LUC7L: variants seen among roughly 807,000 people sequenced by gnomAD.
LUC7L encodes the protein putative RNA-binding protein Luc7-like 1.
In LUC7L, 29 loss-of-function variants were observed where a neutral mutation model predicts 51.1. That is an observed-to-expected ratio of 0.57 (90% CI 0.42 to 0.77). The LOEUF is 0.77. Ranked by LOEUF, LUC7L falls within the 30% of genes least tolerant of loss-of-function variation. LUC7L has a pLI of 0.00. For synonymous variants in LUC7L, 181 were observed against 180.7 expected (o/e 1.00, Z -0.01); for missense variants, 403 against 511.9 (o/e 0.79, Z 2.05).
At chr16:194,434 T>G (rs963710768) in intron 6 of LUC7L, among the ~76,000 whole-genome samples, 12 of 152,194 alleles carry the variant, frequency 7.9e-5, no homozygotes, top group African/African-American at 2.7e-4. Context: ...GGTAACAAAC[T>G]GTCTATTCTA....
rs573647592 is a variant in LUC7L, at chr16:189,493, C to T, written c.975-154G>A. 12 of 1,420,454 alleles carry T rather than the reference C, an allele frequency of 8.4e-6. No individual in the cohort carries two copies. In the Admixed American group the frequency reaches 3.5e-4, roughly 41 times the overall value. 88.0% of individuals were successfully genotyped at this position (1,420,454 alleles called of 1,614,324 possible). A position where few individuals can be genotyped will look rare whatever the true frequency, so the allele number is the denominator to read the frequency against. On this transcript the variant is annotated intron_variant, in intron 9 of 9. Transcript: ENST00000293872. ...GGAGGCCAACCAGACTTGCCCACCA[C>T]ATATGGAGTGTTAGATAGCCATTAA...
At chr16:204,339 G>A (rs540546217) in intron 5 of LUC7L, among the ~76,000 whole-genome samples, 76 of 151,872 alleles carry the variant, frequency 5.0e-4, no homozygotes, top group Middle Eastern at 3.4e-3. Flanking sequence ...GCTCACTCCT[G>A]TAATCCCAGC....
chr16:200,084 T>C (rs559941837), intron 5 of LUC7L, among the ~76,000 whole-genome samples: 1 of 144,488 alleles, frequency 6.9e-6, no homozygotes, highest in South Asian at 2.2e-4. Flanking sequence ...AGGCCAGGAG[T>C]TCAAGACGAG....
chr16:222,023 C>T (rs112252042), intron 2 of LUC7L, among the ~76,000 whole-genome samples: 1 of 152,154 alleles, frequency 6.6e-6, no homozygotes, highest in African/African-American at 2.4e-5. Flanking sequence ...CCACTCAGTT[C>T]CTCCATTTGA....
intron 8 of LUC7L, 147 bp from the exon 9 acceptor site, chr16:190,282 A>C: frequency 1.3e-6 from 1 of 782,812 alleles, no homozygotes; most frequent in Non-Finnish European, 2.1e-6. Flanking sequence ...CCATCAGTTA[A>C]TCTCCAATGG....
chr16:200,181 G>A (rs2142056587), intron 5 of LUC7L, among the ~76,000 whole-genome samples: 1 of 151,712 alleles, frequency 6.6e-6, no homozygotes, highest in African/African-American at 2.4e-5. Flanking sequence ...CCAGCACTTT[G>A]GGAGGCTGAG....
chr16:209,748 A>C (rs1161133579), intron 3 of LUC7L: 1 of 152,226 alleles, frequency 6.6e-6, no homozygotes, highest in African/African-American at 2.4e-5. Context: ...TAAAACAGAC[A>C]GGAGACAGTA....
At chr16:228,535 T>C (rs1403611853) in intron 1 of LUC7L, 16 of 1,209,700 alleles carry the variant, frequency 1.3e-5, no homozygotes, top group Non-Finnish European at 1.7e-5. Context: ...AAAGTGCAAA[T>C]AATCTGCACA....
intron 6 of LUC7L, among the ~76,000 whole-genome samples, chr16:193,920 T>C (rs1263646909): frequency 1.3e-5 from 2 of 151,470 alleles, no homozygotes; most frequent in Non-Finnish European, 2.9e-5. Context: ...TCTCCTGTCC[T>C]GGCCTCCGGA....
intron 2 of LUC7L, among the ~76,000 whole-genome samples, chr16:221,689 T>C (rs528711501): frequency 5.6e-4 from 85 of 150,854 alleles, no homozygotes; most frequent in Non-Finnish European, 1.0e-3. Flanking sequence ...GGTGATAAAG[T>C]GAGACTCTGT....
chr16:206,192 G>C, intron 4 of LUC7L, 45 bp from the exon 5 acceptor site: 2 of 1,587,498 alleles, frequency 1.3e-6, no homozygotes, highest in South Asian at 1.2e-5. Context: ...GAAAATGAAA[G>C]TGAATGCAAA....
chr16:224,209 A>ATT (rs1464868908), intron 2 of LUC7L, among the ~76,000 whole-genome samples: 32 of 152,304 alleles, frequency 2.1e-4, no homozygotes, highest in South Asian at 4.1e-4. Context: ...AACTGTCAAG[A>ATT]AAGATATGAC....
chr16:193,773 G>A (rs571686963), intron 6 of LUC7L, among the ~76,000 whole-genome samples: 89 of 148,600 alleles, frequency 6.0e-4, no homozygotes, highest in Non-Finnish European at 1.1e-3. Context: ...AATTACAGGC[G>A]TGAGGCACTG....
intron 3 of LUC7L, among the ~76,000 whole-genome samples, chr16:213,543 G>A (rs2049702974): frequency 1.3e-5 from 2 of 151,954 alleles, no homozygotes; most frequent in African/African-American, 4.8e-5. Context: ...GGGATTGCAG[G>A]TGCACACCAC....
intron 5 of LUC7L, among the ~76,000 whole-genome samples, chr16:199,465 C>T (rs7198029): frequency 0.59 from 89,014 of 151,950 alleles, 26,580 homozygotes; most frequent in African/African-American, 0.68. Context: ...GGTGGGCGGA[C>T]CATGTGGTCA....
intron 3 of LUC7L, among the ~76,000 whole-genome samples, chr16:214,628 C>G (rs898222047): frequency 9.2e-5 from 14 of 152,180 alleles, no homozygotes; most frequent in African/African-American, 2.9e-4. Flanking sequence ...CCGGGCTCAA[C>G]TGATCCTCCA....
chr16:210,874 A>C (rs930562506), intron 3 of LUC7L, among the ~76,000 whole-genome samples: 3 of 151,664 alleles, frequency 2.0e-5, no homozygotes, highest in Non-Finnish European at 4.4e-5. Flanking sequence ...ACACAGTGAA[A>C]CCCCGTCTCT....
At chr16:210,059 G>A (rs1019640010) in intron 3 of LUC7L, among the ~76,000 whole-genome samples, 30 of 152,088 alleles carry the variant, frequency 2.0e-4, no homozygotes, top group Non-Finnish European at 2.9e-4. Flanking sequence ...AGGCCAAGGC[G>A]GGTGGATCAC....
chr16:193,434 C>G (rs943278192), intron 6 of LUC7L, among the ~76,000 whole-genome samples: 4 of 150,890 alleles, frequency 2.7e-5, no homozygotes, highest in Non-Finnish European at 4.4e-5. Context: ...CATGAGCCAC[C>G]GCGCCCGGCC....
Sources: allele counts gnomAD v4.1 joint callset (sites outside exome capture counted in the v4.1 genomes callset), GRCh38; gene constraint gnomAD v4.1.1; transcripts MANE v1.5; gene names NCBI Gene and HGNC (gene_info 2026-07-23, HGNC 2026-07-21).